The following MEIKIN variants were observed in gnomAD, a reference collection of about 807,000 sequenced individuals.
MEIKIN encodes meiosis-specific kinetochore protein.
chr5:131,932,058 G>A (rs1271086108), intron 5 of MEIKIN, among the ~76,000 whole-genome samples: 2 of 152,108 alleles, frequency 1.3e-5, no homozygotes, highest in African/African-American at 4.8e-5. Context: ...TTCTTCTGGG[G>A]TACTCAGTTC....
rs1442415296 is a variant in MEIKIN, at chr5:131,944,547, G to C, written c.288+118C>G. Reference sequence around the variant, plus strand: ...CACGTAAGTGTTTATAAAAATACTGGTGAGCTATGTAACATCTACAGAACA... The same window carrying C: ...CACGTAAGTGTTTATAAAAATACTGCTGAGCTATGTAACATCTACAGAACA... On this transcript the variant is annotated intron_variant, in intron 3 of 12. Coordinates refer to ENST00000442687, the MANE Select transcript of MEIKIN (RefSeq NM_001303622.2). 4 of 396,380 alleles carry C rather than the reference G, an allele frequency of 1.0e-5. No homozygotes were observed. In the East Asian group the frequency reaches 1.4e-4, roughly 14 times the overall value. The allele number at this position is 396,380 out of a possible 1,614,324, so 24.6% of individuals were successfully genotyped here.
At chr5:131,934,643 G>A (rs191583286) in intron 4 of MEIKIN, among the ~76,000 whole-genome samples, 11 of 152,236 alleles carry the variant, frequency 7.2e-5, no homozygotes, top group African/African-American at 2.2e-4. Context: ...GGAGAAAACT[G>A]TAACACCGAG....
intron 9 of MEIKIN, among the ~76,000 whole-genome samples, chr5:131,874,429 T>C (rs1396537590): frequency 6.6e-6 from 1 of 151,766 alleles, no homozygotes; most frequent in Non-Finnish European, 1.5e-5. Flanking sequence ...ACATACATCG[T>C]CCCAAGACTA....
intron 8 of MEIKIN, among the ~76,000 whole-genome samples, chr5:131,904,154 C>T (rs190180067): frequency 6.6e-6 from 1 of 152,092 alleles, no homozygotes; most frequent in Non-Finnish European, 1.5e-5. Context: ...AACACAGGAG[C>T]ACCCAGATTC....
rs1750823048 is a variant in MEIKIN at position 131,887,571 on chromosome 5, A to G, written c.704-8523T>C. Among the ~76,000 whole-genome samples the G allele has an allele frequency of 2.0e-5, 3 of 151,998 alleles. No homozygotes were observed. The South Asian group carries it at 6.2e-4, about 32-fold the overall frequency. On this transcript the variant is annotated intron_variant, in intron 8 of 12. Coordinates refer to ENST00000442687, the MANE Select transcript of MEIKIN (RefSeq NM_001303622.2). The stretch of plus-strand genomic sequence containing the variant: ...GTAATTCACTGTGCTTTTGATTTGC[A>G]TTTATCTGATGACCAGCGATGATGA...
At chr5:131,863,858 A>C (rs1239759365) in intron 9 of MEIKIN, among the ~76,000 whole-genome samples, 1 of 152,074 alleles carries the variant, frequency 6.6e-6, no homozygotes, top group African/African-American at 2.4e-5. Context: ...GTTTGCCTGC[A>C]CAAGCTCTCT....
intron 4 of MEIKIN, among the ~76,000 whole-genome samples, chr5:131,934,568 TTAACTC>T (rs1361214579): frequency 6.6e-6 from 1 of 152,102 alleles, no homozygotes; most frequent in African/African-American, 2.4e-5. Flanking sequence ...TGTAAAGAAA[TTAACTC>T]TAAATGCATC....
At chr5:131,812,690 TG>T (rs1354060256) in intron 12 of MEIKIN, among the ~76,000 whole-genome samples, 8 of 152,058 alleles carry the variant, frequency 5.3e-5, no homozygotes, top group African/African-American at 1.7e-4. Context: ...GAGAATCATC[TG>T]CAATAGGTCG....
At chr5:131,871,469 GA>G (rs1452012470) in intron 9 of MEIKIN, among the ~76,000 whole-genome samples, 10 of 152,210 alleles carry the variant, frequency 6.6e-5, no homozygotes, top group Non-Finnish European at 1.3e-4. Context: ...CGCCATTCCC[GA>G]GTCTTGATTA....
chr5:131,850,389 A>AAG (rs1750091794), intron 11 of MEIKIN, among the ~76,000 whole-genome samples: 1 of 152,220 alleles, frequency 6.6e-6, no homozygotes, highest in Admixed American at 6.5e-5. Context: ...AAAAATGAAA[A>AAG]AGAAGAACAA....
intron 11 of MEIKIN, among the ~76,000 whole-genome samples, chr5:131,847,070 A>C (rs1750034555): frequency 6.6e-6 from 1 of 152,174 alleles, no homozygotes; most frequent in South Asian, 2.1e-4. Flanking sequence ...AAAGGAAATA[A>C]GAAATAAATT....
chr5:131,902,641 A>G (rs1233232444), intron 8 of MEIKIN, among the ~76,000 whole-genome samples: 1 of 152,172 alleles, frequency 6.6e-6, no homozygotes, highest in African/African-American at 2.4e-5. Context: ...TAGTAATGCA[A>G]AAATGAATAA....
At chr5:131,861,003 T>C (rs1392641737) in intron 9 of MEIKIN, among the ~76,000 whole-genome samples, 1 of 148,092 alleles carries the variant, frequency 6.8e-6, no homozygotes, top group East Asian at 2.1e-4. Flanking sequence ...CCTCAAGTGA[T>C]TGCCTGCCTT....
intron 11 of MEIKIN, among the ~76,000 whole-genome samples, chr5:131,821,039 A>G (rs1404765422): frequency 6.6e-6 from 1 of 151,840 alleles, no homozygotes; most frequent in Non-Finnish European, 1.5e-5. Context: ...TCTTCTACTA[A>G]TTTTGGGTTT....
chr5:131,885,338 T>A (rs1291863841), intron 8 of MEIKIN, among the ~76,000 whole-genome samples: 4 of 95,218 alleles, frequency 4.2e-5, no homozygotes, highest in Non-Finnish European at 5.8e-5. Flanking sequence ...CACTCAGAAC[T>A]GAAAGAGAGA....
chr5:131,882,870 TG>T (rs1353917074), intron 8 of MEIKIN, among the ~76,000 whole-genome samples: 1 of 152,178 alleles, frequency 6.6e-6, no homozygotes, highest in East Asian at 1.9e-4. Context: ...TGGCATGCTC[TG>T]CCCCCCAGGT....
At chr5:131,909,937 T>C (rs1751305130) in intron 8 of MEIKIN, among the ~76,000 whole-genome samples, 1 of 152,118 alleles carries the variant, frequency 6.6e-6, no homozygotes, top group African/African-American at 2.4e-5. Context: ...GGTGAGGATG[T>C]GGAGAAAAGG....
rs1749673534 is a variant in MEIKIN, at chr5:131,829,325, T to C, written c.976-10462A>G. On this transcript the variant is annotated intron_variant, in intron 11 of 12. Transcript: ENST00000442687. Reference sequence around the variant, plus strand: ...AATTTCTATAACACGTACCCTTTCATAGGAAGCCAATGGAAGATTAGCTCC... The same window carrying C: ...AATTTCTATAACACGTACCCTTTCACAGGAAGCCAATGGAAGATTAGCTCC... 2.6e-5 allele frequency among the ~76,000 whole-genome samples: 4 copies of C among 152,320 alleles called. No homozygotes were observed. The South Asian group carries it at 6.2e-4, about 24-fold the overall frequency.
At chr5:131,901,312 TACAG>T (rs1751153319) in intron 8 of MEIKIN, among the ~76,000 whole-genome samples, 1 of 152,060 alleles carries the variant, frequency 6.6e-6, no homozygotes, top group Non-Finnish European at 1.5e-5. Context: ...TGGATACCTG[TACAG>T]ATGGCACACA....
Sources: allele counts gnomAD v4.1 joint callset (sites outside exome capture counted in the v4.1 genomes callset), GRCh38; gene constraint gnomAD v4.1.1; transcripts MANE v1.5; gene names NCBI Gene and HGNC (gene_info 2026-07-23, HGNC 2026-07-21).